Variants in ENGASE observed in about 807,000 individuals in gnomAD.
ENGASE encodes the protein endo-beta-N-acetylglucosaminidase.
Under a neutral mutation model 78.5 loss-of-function variants are expected in ENGASE, and 69 were observed. That is an observed-to-expected ratio of 0.88 (90% CI 0.72 to 1.07). The LOEUF (loss-of-function observed/expected upper bound fraction) is 1.07, where lower values mean the gene tolerates loss of function less well. Among genes scored for constraint, ENGASE ranks in the 50% least tolerant of loss-of-function variants. ENGASE has a pLI of 0.00. For synonymous variants in ENGASE, 408 were observed against 408.9 expected (o/e 1.00, Z 0.03); for missense variants, 943 against 988.4 (o/e 0.95, Z 0.62).
chr17:79,078,916 C>A (rs148127457), intron 3 of ENGASE, among the ~76,000 whole-genome samples: 20 of 152,310 alleles, frequency 1.3e-4, no homozygotes, highest in African/African-American at 4.8e-4. Flanking sequence ...CTCCCTTGTT[C>A]ATTGGCTCAC....
Position 79,074,825 on chromosome 17 carries a change from G to T in ENGASE, c.-120G>T. ...GTCCCCGCCGCGCGGCCGCTGGCCG[G>T]GAGTCAGCTCGGAGTCCCGTCCCAG... is the stretch of plus-strand genomic sequence containing the variant. On this transcript the variant is annotated 5_prime_UTR_variant, in exon 1 of 14. Transcript: ENST00000579016. 1 of 1,192,900 alleles carries T rather than the reference G, an allele frequency of 8.4e-7. No individual in the cohort carries two copies. The highest frequency in any genetic ancestry group is 1.0e-6 in the Non-Finnish European group (1 of 960,670). The allele number at this position is 1,192,900 out of a possible 1,614,324, so 73.9% of individuals were successfully genotyped here.
Position 79,083,454 on chromosome 17 carries a change from C to T in ENGASE, c.1143-28C>T, listed in dbSNP as rs200474029. The T allele has an allele frequency of 1.1e-5, 17 of 1,564,780 alleles. No homozygotes were observed. Among genetic ancestry groups the T allele is most frequent in the Admixed American group, 5.0e-5 (3 of 59,540 alleles). ...AGAGGCTCCCTCCCTTCCTCCGGAC[C>T]GAGCTGTTGCCCCCATGTCTCTGGC... On this transcript the variant is annotated intron_variant, in intron 8 of 13. Coordinates refer to ENST00000579016, the MANE Select transcript of ENGASE (RefSeq NM_001042573.3). This position sits in a 1 kb window ranked among gnomAD's most constrained non-coding sequence, Gnocchi z 4.9.
rs2073315199 is a variant in ENGASE, at chr17:79,086,458, C to T, written c.*109C>T. 1 of 1,355,370 alleles carries T rather than the reference C, an allele frequency of 7.4e-7. No homozygotes were observed. Among genetic ancestry groups the T allele is most frequent in the Non-Finnish European group, 9.8e-7 (1 of 1,020,742 alleles). 84.0% of individuals were successfully genotyped at this position (1,355,370 alleles called of 1,614,324 possible). A position where few individuals can be genotyped will look rare whatever the true frequency, so the allele number is the denominator to read the frequency against. On this transcript the variant is annotated 3_prime_UTR_variant, in exon 14 of 14. Transcript: ENST00000579016. ...TAAGTGCCCACAGTGGCAGCGAGGT[C>T]CCGGTCCCGGGGCTGGGGTGGGAGA...
At chr17:79,081,746 C>CTA in intron 6 of ENGASE, 152 bp from the exon 7 acceptor site, 1 of 627,044 alleles carries the variant, frequency 1.6e-6, no homozygotes, top group East Asian at 4.0e-5. Flanking sequence ...AAGGCTGAGG[C>CTA]TGTGTGGGGT....
chr17:79,081,207 A>G, intron 6 of ENGASE, 134 bp downstream of exon 6: 1 of 1,220,356 alleles, frequency 8.2e-7, no homozygotes, highest in Non-Finnish European at 1.1e-6. Context: ...TTGGGTAAAA[A>G]GAGGGAGAAG....
At position 79,087,537 on chromosome 17, in the gene ENGASE, T is replaced by C. The variant is rs3744176; in HGVS notation, c.*1188T>C. The C allele has an allele frequency of 0.38, 59,711 of 157,528 alleles. 12,522 individuals carry two copies. Among genetic ancestry groups the C allele is most frequent in the African/African-American group, 0.57 (23,514 of 41,472 alleles). 9.8% of individuals were successfully genotyped at this position (157,528 alleles called of 1,614,324 possible). A position where few individuals can be genotyped will look rare whatever the true frequency, so the allele number is the denominator to read the frequency against. ...GACCCCACGGCCTTGGGTCATCCTGTGGCTGGTCTGGGGTGGGGTCTGTTG... is the reference window on the plus strand; with the variant it reads ...GACCCCACGGCCTTGGGTCATCCTGCGGCTGGTCTGGGGTGGGGTCTGTTG... On this transcript the variant is annotated 3_prime_UTR_variant, in exon 14 of 14. Coordinates refer to ENST00000579016, the MANE Select transcript of ENGASE (RefSeq NM_001042573.3).
In ENGASE at chr17:79,083,101, G is replaced by A. The variant is rs1157146415; in HGVS notation, c.1120G>A (p.Asp374Asn). The A allele has an allele frequency of 6.2e-7, 1 of 1,613,684 alleles. No homozygotes were observed. Among genetic ancestry groups the A allele is most frequent in the Non-Finnish European group, 8.5e-7 (1 of 1,179,716 alleles). Residue 374 changes from aspartate to asparagine, a missense_variant, in exon 8 of 14, where the codon GAT (aspartate) becomes AAT (asparagine). By Grantham distance (23) the Asp-to-Asn change is conservative. Transcript: ENST00000579016. This position sits in a 1 kb window ranked among gnomAD's most constrained non-coding sequence, Gnocchi z 4.9. ...GGTGTATGAGTGTCTGGAGAAGAAGGATTTCTTCCAGAACCAGGACAAGTG... is the reference window on the plus strand; with the variant it reads ...GGTGTATGAGTGTCTGGAGAAGAAGAATTTCTTCCAGAACCAGGACAAGTG... ...GWVYECLEKK[D>N]FFQNQDKFWG...
chr17:79,078,043 A>G (rs1019994458), intron 3 of ENGASE, among the ~76,000 whole-genome samples, 179 bp downstream of exon 3: 1 of 152,168 alleles, frequency 6.6e-6, no homozygotes, highest in Non-Finnish European at 1.5e-5. Flanking sequence ...TTTCATCTGT[A>G]AAAAGGGAAG....
Position 79,085,992 on chromosome 17 carries a change from T to A in ENGASE, c.1875T>A (p.Ser625=). The change falls in exon 14 of 14, where the codon TCT becomes TCA. Residue 625 remains serine, a synonymous_variant. Transcript: ENST00000579016. The stretch of plus-strand genomic sequence containing the variant: ...CCCAGGTGCAGGCCGTCACCATCTC[T>A]CACATCCGCTGGCAGCCATCCGCCT... The part of the protein sequence containing the change: ...PLPQVQAVTI[S]HIRWQPSASE... 6.2e-7 allele frequency: 1 copy of A among 1,610,196 alleles called. No individual in the cohort carries two copies. The highest frequency in any genetic ancestry group is 8.5e-7 in the Non-Finnish European group (1 of 1,179,952).
Position 79,083,322 on chromosome 17 carries a change from T to C in ENGASE, c.1143-160T>C. On this transcript the variant is annotated intron_variant, in intron 8 of 13. Transcript: ENST00000579016. This position sits in a 1 kb window ranked among gnomAD's most constrained non-coding sequence, Gnocchi z 4.9. ...CCAGCGGCCGCTTCCTGCAGACTCG[T>C]GTTTGCAGCGTATCTGTAGACGGGG... The C allele has an allele frequency of 1.4e-6, 1 of 696,636 alleles. No individual in the cohort carries two copies. The highest frequency in any genetic ancestry group is 1.8e-5 in the South Asian group (1 of 54,564). The allele number at this position is 696,636 out of a possible 1,614,324, so 43.2% of individuals were successfully genotyped here.
chr17:79,075,714 A>G, intron 1 of ENGASE: 1 of 985,478 alleles, frequency 1.0e-6, no homozygotes, highest in East Asian at 1.1e-4. Flanking sequence ...GAGCACAGAC[A>G]TGGCTTCCGG....
rs917698927 is a variant in ENGASE, at chr17:79,081,008, C to T, written c.807C>T (p.Leu269=). The change falls in exon 6 of 14, where the codon CTC becomes CTT. Residue 269 remains leucine (L), a synonymous_variant. Transcript: ENST00000579016. The part of the protein sequence containing the change: ...LHRQVPGGLV[L]WYDSVVQSGQ... ...GGCAGGTCCCAGGGGGCCTGGTGCT[C>T]TGGTATGACAGCGTGGTGCAAAGTG... The T allele has an allele frequency of 1.2e-6, 2 of 1,612,556 alleles. No homozygotes were observed. Among genetic ancestry groups the T allele is most frequent in the Non-Finnish European group, 1.7e-6 (2 of 1,179,938 alleles).
Position 79,080,269 on chromosome 17 carries a change from G to T in ENGASE, c.628G>T (p.Glu210Ter). ...CTGTGAAGCCTTCCTGGCCGGGGAT[G>T]AGCGCTCGTACCAGGCAGTGGCTGA... ...RLCEAFLAGD[E>*]RSYQAVADRL... The change falls in exon 5 of 14, where the codon GAG becomes TAG. Residue 210 changes from glutamate to a stop codon, truncating the protein, a stop_gained. Transcript: ENST00000579016. LOFTEE classifies it high-confidence loss of function. 1 of 1,613,794 alleles carries T rather than the reference G, an allele frequency of 6.2e-7. No homozygotes were observed. The highest frequency in any genetic ancestry group is 8.5e-7 in the Non-Finnish European group (1 of 1,179,848).
Position 79,083,651 on chromosome 17 carries a change from G to T in ENGASE, c.1251+61G>T. The T allele has an allele frequency of 6.3e-7, 1 of 1,579,428 alleles. No homozygotes were observed. Among genetic ancestry groups the T allele is most frequent in the Non-Finnish European group, 8.7e-7 (1 of 1,151,316 alleles). On this transcript the variant is annotated intron_variant, in intron 9 of 13. Transcript: ENST00000579016. The surrounding 1 kb of genome is among the most constrained non-coding windows in gnomAD (Gnocchi z 4.9). ...GCCTCAGCTGGGACAGGTGGGAGGA[G>T]CCTGGGACTTGCCAGCAGGCACGGT...
At position 79,085,362 on chromosome 17, in the gene ENGASE, C is replaced by A; in HGVS notation, c.1700+20C>A. On this transcript the variant is annotated intron_variant, in intron 12 of 13. Coordinates refer to ENST00000579016, the MANE Select transcript of ENGASE (RefSeq NM_001042573.3). ...CCAGCAGTAAGTCCCTCTGCTTCTT[C>A]ACGTCCTTCTCCCTCACTCAAGTCT... 1 of 1,568,884 alleles carries A rather than the reference C, an allele frequency of 6.4e-7. No homozygotes were observed. Among genetic ancestry groups the A allele is most frequent in the Non-Finnish European group, 8.7e-7 (1 of 1,149,010 alleles).
chr17:79,079,678 C>A, intron 4 of ENGASE, 41 bp downstream of exon 4: 1 of 1,593,482 alleles, frequency 6.3e-7, no homozygotes, highest in Admixed American at 1.7e-5. Flanking sequence ...CCAGACTCCT[C>A]AGCTCACCAG....
At chr17:79,075,170 G>A in intron 1 of ENGASE, 80 bp downstream of exon 1, 1 of 1,187,458 alleles carries the variant, frequency 8.4e-7, no homozygotes, top group Non-Finnish European at 1.0e-6. Flanking sequence ...TTCCCGGCAC[G>A]GGCGCGCCGA....
At position 79,086,578 on chromosome 17, in the gene ENGASE, C is replaced by T. The variant is rs899558268; in HGVS notation, c.*229C>T. ...GCGTTGGTCACTGCGAGGCGAGTGG[C>T]GGGCTTTCTGTTTCTGCCTTGTCCC... is the stretch of plus-strand genomic sequence containing the variant. On this transcript the variant is annotated 3_prime_UTR_variant, in exon 14 of 14. Transcript: ENST00000579016. 1.0e-5 allele frequency: 6 copies of T among 587,016 alleles called. No homozygotes were observed. The highest frequency in any genetic ancestry group is 3.7e-5 in the African/African-American group (2 of 53,700). The allele number at this position is 587,016 out of a possible 1,614,324, so 36.4% of individuals were successfully genotyped here. A position where few individuals can be genotyped will look rare whatever the true frequency, so the allele number is the denominator to read the frequency against.
intron 12 of ENGASE, 86 bp from the exon 13 acceptor site, chr17:79,085,534 T>C: frequency 6.4e-7 from 1 of 1,565,790 alleles, no homozygotes; most frequent in Admixed American, 1.8e-5. Context: ...TGCATCTCCC[T>C]TCTGCTGTGG....
Sources: allele counts gnomAD v4.1 joint callset (sites outside exome capture counted in the v4.1 genomes callset), GRCh38; gene constraint gnomAD v4.1.1; non-coding constraint Gnocchi (gnomAD v3.1); transcripts MANE v1.5; gene names NCBI Gene and HGNC (gene_info 2026-07-23, HGNC 2026-07-21).